RASGRF2: variants seen among roughly 807,000 people sequenced by gnomAD.
The protein encoded by RASGRF2 is ras-specific guanine nucleotide-releasing factor 2.
In RASGRF2, 76 loss-of-function variants were observed where a neutral mutation model predicts 151.0. The ratio of observed to expected loss-of-function variants is 0.50; its 90% CI spans 0.42 to 0.61. The LOEUF is 0.61. RASGRF2 is among the 20% of genes least tolerant of loss of function. The pLI, the probability that RASGRF2 is intolerant of heterozygous loss-of-function variation, is 0.00. For missense variants in RASGRF2, 1,148 were observed against 1,564.6 expected (o/e 0.73, Z 4.49); for synonymous variants, 504 against 566.5 (o/e 0.89, Z 1.57).
At chr5:81,024,171 A>G (rs373810231) in intron 1 of RASGRF2, among the ~76,000 whole-genome samples, 129 of 150,404 alleles carry the variant, frequency 8.6e-4, no homozygotes, top group African/African-American at 3.0e-3. Flanking sequence ...GTAAACTGAG[A>G]GGTCTCTTAG....
chr5:81,069,773 T>G (rs951000407), intron 3 of RASGRF2, among the ~76,000 whole-genome samples: 1 of 152,172 alleles, frequency 6.6e-6, no homozygotes, highest in African/African-American at 2.4e-5. Context: ...TTTTAAGGTA[T>G]TGCTGGCTAG....
intron 2 of RASGRF2, among the ~76,000 whole-genome samples, chr5:81,050,092 T>C (rs914343044): frequency 3.9e-5 from 6 of 152,214 alleles, no homozygotes; most frequent in Non-Finnish European, 7.3e-5. Context: ...AACTGCTCAC[T>C]GCAGTCACCA....
intron 7 of RASGRF2, among the ~76,000 whole-genome samples, chr5:81,084,501 G>T (rs1360264854): frequency 6.6e-6 from 1 of 152,138 alleles, no homozygotes; most frequent in African/African-American, 2.4e-5. Context: ...ACCCTTCCAC[G>T]ATGAAGGGGG....
At chr5:81,078,393 T>C (rs185209) in intron 5 of RASGRF2, among the ~76,000 whole-genome samples, 105,720 of 152,090 alleles carry the variant, frequency 0.7, 36,956 homozygotes, top group African/African-American at 0.73. Flanking sequence ...TCTTCATCCT[T>C]TCCTTCCCCA....
Position 81,003,466 on chromosome 5 carries a change from G to A in RASGRF2, c.289-39411G>A, listed in dbSNP as rs568504387. Among the ~76,000 whole-genome samples the A allele has an allele frequency of 1.2e-4, 19 of 152,046 alleles. 1 individual carries two copies. Among genetic ancestry groups the A allele is most frequent in the Admixed American group, 9.2e-4 (14 of 15,268 alleles). ...TCTCGATCTACTGACCTCGTGATCT[G>A]CCCGCCTTGGCCTCCCAAAGTGCTG... On this transcript the variant is annotated intron_variant, in intron 1 of 26. Coordinates refer to ENST00000265080, the MANE Select transcript of RASGRF2 (RefSeq NM_006909.3).
At chr5:81,097,572 G>A (rs1268420005) in intron 12 of RASGRF2, among the ~76,000 whole-genome samples, 1 of 152,180 alleles carries the variant, frequency 6.6e-6, no homozygotes, top group Non-Finnish European at 1.5e-5. Context: ...CTGAAGGTGG[G>A]TGGGTTGGTA....
intron 1 of RASGRF2, among the ~76,000 whole-genome samples, chr5:81,023,544 G>A (rs1374222875): frequency 6.6e-6 from 1 of 151,206 alleles, no homozygotes; most frequent in Non-Finnish European, 1.5e-5. Flanking sequence ...ATGATTTGCA[G>A]GCACATGCAG....
chr5:80,977,449 T>TTTTATTTATTTA (rs56140758), intron 1 of RASGRF2, among the ~76,000 whole-genome samples: 37,553 of 150,188 alleles, frequency 0.25, 5,151 homozygotes, highest in Middle Eastern at 0.4. Flanking sequence ...GCTACCAAAA[T>TTTTATTTATTTA]TTTATTTATT....
intron 2 of RASGRF2, among the ~76,000 whole-genome samples, chr5:81,061,511 C>CTTTT (rs201278544): frequency 2.8e-5 from 4 of 142,654 alleles, no homozygotes; most frequent in Admixed American, 7.0e-5. Flanking sequence ...TTAAGAAGGA[C>CTTTT]TTTTTTTTTT....
At chr5:81,077,263 G>T (rs1292812264) in intron 5 of RASGRF2, among the ~76,000 whole-genome samples, 3 of 152,186 alleles carry the variant, frequency 2.0e-5, no homozygotes, top group African/African-American at 7.2e-5. Flanking sequence ...CAATGACAAG[G>T]TCTAGAGTAC....
At chr5:80,962,078 T>A (rs2112198558) in intron 1 of RASGRF2, among the ~76,000 whole-genome samples, 1 of 152,236 alleles carries the variant, frequency 6.6e-6, no homozygotes, top group East Asian at 1.9e-4. Flanking sequence ...AGCAATGGAG[T>A]GATCCGTAAG....
intron 1 of RASGRF2, among the ~76,000 whole-genome samples, chr5:80,976,368 G>A (rs1479433243): frequency 6.6e-6 from 1 of 152,070 alleles, no homozygotes; most frequent in Non-Finnish European, 1.5e-5. Context: ...AATTCACTTG[G>A]GGCAAACCTT....
chr5:81,179,293 G>A (rs1422849547), intron 17 of RASGRF2, among the ~76,000 whole-genome samples: 2 of 152,162 alleles, frequency 1.3e-5, no homozygotes, highest in Non-Finnish European at 2.9e-5. Context: ...TCACTGCTGT[G>A]CAAGTGCCAT....
intron 1 of RASGRF2, among the ~76,000 whole-genome samples, chr5:80,999,424 C>A (rs1749006632): frequency 6.6e-6 from 1 of 152,100 alleles, no homozygotes; most frequent in South Asian, 2.1e-4. Flanking sequence ...CTCACTGTAG[C>A]CTCAACCTCC....
intron 13 of RASGRF2, among the ~76,000 whole-genome samples, chr5:81,109,927 A>G (rs574064980): frequency 6.6e-6 from 1 of 152,330 alleles, no homozygotes; most frequent in South Asian, 2.1e-4. Flanking sequence ...ACATATCTAT[A>G]GTACACTAGA....
At chr5:81,125,106 C>T (rs1199111064) in intron 16 of RASGRF2, among the ~76,000 whole-genome samples, 4 of 152,142 alleles carry the variant, frequency 2.6e-5, no homozygotes, top group Non-Finnish European at 5.9e-5. Context: ...AGGCTGGTCT[C>T]AAACTCCTGA....
intron 1 of RASGRF2, among the ~76,000 whole-genome samples, chr5:81,006,410 A>C (rs745919677): frequency 1.3e-5 from 2 of 152,234 alleles, no homozygotes; most frequent in South Asian, 2.1e-4. Context: ...TGGTAAAGCC[A>C]TGATAGTTTT....
chr5:81,018,106 CA>C lies in RASGRF2; in HGVS notation c.289-24761del, dbSNP rs70994413. 2.0e-3 allele frequency among the ~76,000 whole-genome samples: 276 copies of C among 136,526 alleles called. 1 individual carries two copies. Among genetic ancestry groups the C allele is most frequent in the African/African-American group, 6.9e-3 (254 of 36,686 alleles). The allele number at this position is 136,526 out of a possible 152,430, so 89.6% of individuals were successfully genotyped here. On this transcript the variant is annotated intron_variant, in intron 1 of 26. Coordinates refer to ENST00000265080, the MANE Select transcript of RASGRF2 (RefSeq NM_006909.3). The stretch of plus-strand genomic sequence containing the variant: ...CCTGGATGACAGAGCGAGACTGTCT[CA>C]AAAAAAAAAGAAAGAAAGAAAGAAA...
intron 22 of RASGRF2, among the ~76,000 whole-genome samples, chr5:81,211,997 G>GC (rs1429438101): frequency 6.6e-6 from 1 of 152,152 alleles, no homozygotes; most frequent in Non-Finnish European, 1.5e-5. Context: ...AAAGGGAAAG[G>GC]CCCCAGGGAG....
Sources: allele counts gnomAD v4.1 joint callset (sites outside exome capture counted in the v4.1 genomes callset), GRCh38; gene constraint gnomAD v4.1.1; transcripts MANE v1.5; gene names NCBI Gene and HGNC (gene_info 2026-07-23, HGNC 2026-07-21).